Variants in PRKD2 observed in about 807,000 individuals in gnomAD.
PRKD2 encodes the protein serine/threonine-protein kinase D2.
A neutral mutation model predicts 86.0 loss-of-function variants in PRKD2; 22 were observed. The ratio of observed to expected loss-of-function variants is 0.26; its 90% CI spans 0.18 to 0.37. The LOEUF (loss-of-function observed/expected upper bound fraction) is 0.37. PRKD2 is among the 10% of genes least tolerant of loss of function. The probability of loss-of-function intolerance (pLI) is 1.00; values close to 1 mark genes in which losing one functional copy is unlikely to be tolerated. For synonymous variants in PRKD2, 509 were observed against 510.9 expected (o/e 1.00, Z 0.05); for missense variants, 818 against 1,199.2 (o/e 0.68, Z 4.70).
rs763789755 is a variant in PRKD2 at position 46,694,020 on chromosome 19, G to A, written c.1431C>T (p.Phe477=). Residue 477 remains phenylalanine (F), a synonymous_variant, in exon 10 of 18, where the codon TTC becomes TTT. Coordinates refer to ENST00000291281, the MANE Select transcript of PRKD2 (RefSeq NM_016457.5). ...GAGTCCCGCCAGGCATCTCGCCCAC[G>A]AAGTAGGTGGCATTGGCAGTGACGA... is the stretch of plus-strand genomic sequence containing the variant. ...FEIVTANATY[F]VGEMPGGTPG... The A allele has an allele frequency of 8.1e-6, 13 of 1,614,002 alleles. No homozygotes were observed. The East Asian group carries it at 8.9e-5, about 11-fold the overall frequency.
chr19:46,707,029 G>A (rs2053723374), intron 3 of PRKD2, among the ~76,000 whole-genome samples: 1 of 151,902 alleles, frequency 6.6e-6, no homozygotes, highest in Admixed American at 6.6e-5. Flanking sequence ...GAGTAGCTGG[G>A]ATTATAGGTA....
At chr19:46,711,842 CGGATCACTTGA>C (rs2053813636) in intron 2 of PRKD2, among the ~76,000 whole-genome samples, 2 of 151,936 alleles carry the variant, frequency 1.3e-5, no homozygotes, top group South Asian at 4.2e-4. Flanking sequence ...CCCAGGTGGG[CGGATCACTTGA>C]GGTCAGAAGT....
intron 13 of PRKD2, 110 bp downstream of exon 13, chr19:46,690,490 T>C: frequency 1.1e-6 from 1 of 898,006 alleles, no homozygotes; most frequent in East Asian, 2.5e-5. Context: ...TCCCCTTCAG[T>C]CTCAACATGC....
chr19:46,713,803 T>TAC, intron 2 of PRKD2, 60 bp downstream of exon 2: 2 of 744,420 alleles, frequency 2.7e-6, no homozygotes. Flanking sequence ...TACCCTCTCC[T>TAC]CCCCCAGATG....
chr19:46,713,801 C>G, intron 2 of PRKD2, 62 bp downstream of exon 2: 1 of 1,175,474 alleles, frequency 8.5e-7, no homozygotes, highest in Non-Finnish European at 1.2e-6. Context: ...CCTACCCTCT[C>G]CTCCCCCAGA....
rs1252742349 is a variant in PRKD2, at chr19:46,714,974, G to C, written c.241-973C>G. Among the ~76,000 whole-genome samples, 7 of 152,144 alleles carry C rather than the reference G, an allele frequency of 4.6e-5. No individual in the cohort carries two copies. In the East Asian group the frequency reaches 1.3e-3, roughly 29 times the overall value. ...CTTCAGTTTCCTTGTCTGTAGAATG[G>C]GGGAGCTGGCCCAGTTCCCCACGTT... is the stretch of plus-strand genomic sequence containing the variant. On this transcript the variant is annotated intron_variant, in intron 1 of 17. Coordinates refer to ENST00000291281, the MANE Select transcript of PRKD2 (RefSeq NM_016457.5).
rs373533764 is a variant in PRKD2 at position 46,690,738 on chromosome 19, G to A, written c.1703-32C>T. 9.6e-5 allele frequency: 152 copies of A among 1,590,734 alleles called. No individual in the cohort carries two copies. The African/African-American group carries it at 1.8e-3, about 19-fold the overall frequency. On this transcript the variant is annotated intron_variant, in intron 12 of 17. Transcript: ENST00000291281. ...AGGGAGTAGAAGAGATGGGGGATGAGAGAGCAAGACCACCCAGTCCTGGCA... is the reference window on the plus strand; with the variant it reads ...AGGGAGTAGAAGAGATGGGGGATGAAAGAGCAAGACCACCCAGTCCTGGCA...
At chr19:46,710,717 C>G in intron 3 of PRKD2, 190 bp downstream of exon 3, 1 of 707,564 alleles carries the variant, frequency 1.4e-6, no homozygotes, top group Non-Finnish European at 2.2e-6. Flanking sequence ...AGCCCCGGCC[C>G]AGCCCCACCA....
intron 3 of PRKD2, among the ~76,000 whole-genome samples, chr19:46,705,197 G>A (rs1264836424): frequency 6.9e-6 from 1 of 144,674 alleles, no homozygotes; most frequent in Non-Finnish European, 1.5e-5. Flanking sequence ...AAAAGTCCCC[G>A]CCAAAGCTCT....
chr19:46,676,186 T>C (rs1206480567), intron 16 of PRKD2, among the ~76,000 whole-genome samples: 2 of 151,422 alleles, frequency 1.3e-5, no homozygotes, highest in Non-Finnish European at 2.9e-5. Context: ...CCCAACACTT[T>C]GGGAGGCCGA....
chr19:46,714,866 C>G (rs769250478), intron 1 of PRKD2, among the ~76,000 whole-genome samples: 1 of 152,174 alleles, frequency 6.6e-6, no homozygotes, highest in Non-Finnish European at 1.5e-5. Context: ...GGGCAAAACC[C>G]TATCAGTTCT....
At chr19:46,676,969 G>C (rs1425651496) in intron 16 of PRKD2, among the ~76,000 whole-genome samples, 1 of 150,982 alleles carries the variant, frequency 6.6e-6, no homozygotes, top group Non-Finnish European at 1.5e-5. Context: ...GCTGAGGCAG[G>C]AGAATCCCTT....
In PRKD2 at chr19:46,716,214, G is replaced by T. The variant is rs2053879236; in HGVS notation, c.157C>A (p.Leu53Met). 1.2e-6 allele frequency: 2 copies of T among 1,610,446 alleles called. No homozygotes were observed. Among genetic ancestry groups the T allele is most frequent in the Non-Finnish European group, 1.7e-6 (2 of 1,178,960 alleles). The change falls in exon 1 of 18, where the codon CTG becomes ATG. Residue 53 changes from leucine to methionine, a missense_variant. By Grantham distance (15) the Leu-to-Met change is conservative. Coordinates refer to ENST00000291281, the MANE Select transcript of PRKD2 (RefSeq NM_016457.5). This position sits in a 1 kb window ranked among gnomAD's most constrained non-coding sequence, Gnocchi z 7.9. ...GGCAACAGCACGAACTCGCGGGTCA[G>T]CCCGATCTGGATGTGAAAGGAGACC... ...SGVSFHIQIGLTREFVLLPAA... is the reference protein window; with the variant it reads ...SGVSFHIQIGMTREFVLLPAA...
intron 5 of PRKD2, among the ~76,000 whole-genome samples, chr19:46,701,583 C>T (rs2053635863): frequency 6.6e-6 from 1 of 151,748 alleles, no homozygotes; most frequent in Non-Finnish European, 1.5e-5. Context: ...GCGCTCCTGA[C>T]CTCAGATGAT....
At chr19:46,712,632 A>T (rs2053825270) in intron 2 of PRKD2, among the ~76,000 whole-genome samples, 1 of 152,270 alleles carries the variant, frequency 6.6e-6, no homozygotes, top group Non-Finnish European at 1.5e-5. Context: ...AAGTGAGGCC[A>T]GCTTATGATA....
intron 14 of PRKD2, among the ~76,000 whole-genome samples, chr19:46,682,371 T>C (rs548383443): frequency 6.6e-6 from 1 of 151,918 alleles, no homozygotes; most frequent in East Asian, 1.9e-4. Context: ...ACCAGGCTGG[T>C]CTCAAACTCC....
intron 14 of PRKD2, among the ~76,000 whole-genome samples, chr19:46,688,155 G>T (rs748609527): frequency 8.6e-5 from 13 of 151,976 alleles, no homozygotes; most frequent in Admixed American, 2.0e-4. Context: ...CTCCCAAAGC[G>T]CTGGGATTAC....
intron 7 of PRKD2, among the ~76,000 whole-genome samples, chr19:46,699,625 C>T (rs1740507626): frequency 6.6e-6 from 1 of 152,162 alleles, no homozygotes; most frequent in Non-Finnish European, 1.5e-5. Flanking sequence ...CCTGTGTGAA[C>T]TGTGCTTTCT....
chr19:46,680,947 T>TATATATATATATATATATATATATA (rs1555826536), intron 15 of PRKD2, among the ~76,000 whole-genome samples: 3 of 33,224 alleles, frequency 9.0e-5, no homozygotes, highest in Non-Finnish European at 2.0e-4. Flanking sequence ...TATATATATA[T>TATATATATATATATATATATATATA]TTTTTTTTTT....
Sources: gnomAD v4.1 joint callset for allele counts (sites outside exome capture counted in the v4.1 genomes callset) on GRCh38, gnomAD v4.1.1 for gene constraint, Gnocchi (gnomAD v3.1) non-coding constraint, MANE v1.5 for transcripts, NCBI Gene and HGNC (gene_info 2026-07-23, HGNC 2026-07-21) for gene names.